Variants in NCOA6 observed in about 807,000 individuals in gnomAD.
NCOA6 encodes the protein NRC RAP250.
NCOA6 carries 49 observed loss-of-function variants against 171.4 expected under a neutral mutation model. That is an observed-to-expected ratio of 0.29 (90% CI 0.23 to 0.36). The LOEUF is 0.36. NCOA6 is among the 10% of genes least tolerant of loss of function. NCOA6 has a pLI of 1.00. For missense variants in NCOA6, 2,248 were observed against 2,554.5 expected (o/e 0.88, Z 2.59); for synonymous variants, 910 against 927.5 (o/e 0.98, Z 0.34).
chr20:34,779,005 G>A (rs1051545730), intron 3 of NCOA6, among the ~76,000 whole-genome samples: 2 of 149,838 alleles, frequency 1.3e-5, no homozygotes, highest in African/African-American at 2.5e-5. Context: ...GACTTAGGGC[G>A]ACACATGGTG....
At chr20:34,769,202 G>A in intron 4 of NCOA6, among the ~76,000 whole-genome samples, 1 of 152,058 alleles carries the variant, frequency 6.6e-6, no homozygotes, top group Non-Finnish European at 1.5e-5. Context: ...ATAGGTTTTT[G>A]TTTTCTGAGA....
chr20:34,725,409 A>G (rs1299389565), intron 14 of NCOA6, among the ~76,000 whole-genome samples: 2 of 152,236 alleles, frequency 1.3e-5, no homozygotes, highest in African/African-American at 4.8e-5. Context: ...GTTAAGGAGA[A>G]GAGAGGTGGG....
chr20:34,791,394 A>G (rs972704839), intron 2 of NCOA6, among the ~76,000 whole-genome samples: 2 of 152,184 alleles, frequency 1.3e-5, no homozygotes, highest in Non-Finnish European at 2.9e-5. Flanking sequence ...CAGTCAGATA[A>G]AGATTTACAT....
intron 4 of NCOA6, among the ~76,000 whole-genome samples, chr20:34,772,974 T>A (rs997819968): frequency 7.2e-5 from 11 of 152,172 alleles, no homozygotes; most frequent in Admixed American, 6.5e-4. Context: ...ATTCCCCTAT[T>A]TACCAACTGC....
At chr20:34,808,834 A>G (rs951761868) in intron 1 of NCOA6, among the ~76,000 whole-genome samples, 2 of 152,212 alleles carry the variant, frequency 1.3e-5, no homozygotes, top group African/African-American at 4.8e-5. Flanking sequence ...GGGGAAGGGA[A>G]AGGGACAATG....
chr20:34,814,491 A>G (rs546178695), intron 1 of NCOA6, among the ~76,000 whole-genome samples: 3 of 152,264 alleles, frequency 2.0e-5, no homozygotes, highest in African/African-American at 2.4e-5. Context: ...ATATTGCCAA[A>G]TGAAAAAAGA....
chr20:34,740,672 G>C lies in NCOA6; in HGVS notation c.5584C>G (p.Pro1862Ala), dbSNP rs1312525024. 6.2e-7 allele frequency: 1 copy of C among 1,614,196 alleles called. No individual in the cohort carries two copies. The highest frequency in any genetic ancestry group is 2.2e-5 in the East Asian group (1 of 44,880). The change falls in exon 11 of 15, where the codon CCG becomes GCG. Residue 1862 changes from proline to alanine, a missense_variant. Pro to Ala is a conservative substitution (Grantham distance 27). This residue lies in a region of NCOA6 where 884 missense variants were observed against 941.9 expected (regional missense o/e 0.94). Transcript: ENST00000359003. ...TEGQGLDTTA[P>A]GLMGTEQLST... ...AACTGCTCTGTTCCCATGAGCCCCGGAGCTGTGGTGTCTAGCCCTTGGCCT... is the reference window on the plus strand; with the variant it reads ...AACTGCTCTGTTCCCATGAGCCCCGCAGCTGTGGTGTCTAGCCCTTGGCCT...
In NCOA6 at chr20:34,741,443, G is replaced by A; in HGVS notation, c.4813C>T (p.Pro1605Ser). Residue 1605 changes from proline (P) to serine (S), a missense_variant, in exon 11 of 15, where the codon CCC becomes TCC. By Grantham distance (74) the Pro-to-Ser change is moderately conservative. Around this residue, in one of 7 missense-constraint regions of NCOA6, gnomAD observed 884 missense variants for 941.9 expected, o/e 0.94. Coordinates refer to ENST00000359003, the MANE Select transcript of NCOA6 (RefSeq NM_014071.5). Reference sequence around the variant, plus strand: ...GATGTGTTAGCTGAAGTTGTGATGGGATTGGAAGTGACAAATACAGTTATT... The same window carrying A: ...GATGTGTTAGCTGAAGTTGTGATGGAATTGGAAGTGACAAATACAGTTATT... ...NQITVFVTSNPITTSANTSAA... is the reference protein window; with the variant it reads ...NQITVFVTSNSITTSANTSAA... 1 of 1,614,222 alleles carries A rather than the reference G, an allele frequency of 6.2e-7. No individual in the cohort carries two copies. The highest frequency in any genetic ancestry group is 8.5e-7 in the Non-Finnish European group (1 of 1,180,040).
chr20:34,759,428 GCC>G (rs150918549), intron 5 of NCOA6, among the ~76,000 whole-genome samples: 67,933 of 151,836 alleles, frequency 0.45, 15,575 homozygotes, highest in Admixed American at 0.6. Flanking sequence ...TACAGCAGAA[GCC>G]CCCTACTCCT....
chr20:34,794,642 GA>G (rs376480272), intron 1 of NCOA6, among the ~76,000 whole-genome samples: 32 of 152,052 alleles, frequency 2.1e-4, no homozygotes, highest in Middle Eastern at 6.8e-3. Flanking sequence ...GGAAAGGGGA[GA>G]AAAAATATTT....
chr20:34,772,170 G>A (rs1016032019), intron 4 of NCOA6, among the ~76,000 whole-genome samples: 1 of 151,946 alleles, frequency 6.6e-6, no homozygotes, highest in Admixed American at 6.6e-5. Flanking sequence ...AAATTAGTCA[G>A]GTCCGTGGTG....
intron 1 of NCOA6, chr20:34,821,547 G>C (rs6088618): frequency 1.3e-5 from 2 of 150,974 alleles, no homozygotes; most frequent in Non-Finnish European, 2.9e-5. Context: ...AAACCTTTTC[G>C]CCCTTATTAT....
At chr20:34,738,268 T>C (rs2076018353) in intron 11 of NCOA6, among the ~76,000 whole-genome samples, 1 of 152,178 alleles carries the variant, frequency 6.6e-6, no homozygotes, top group African/African-American at 2.4e-5. Context: ...CAATCACTTA[T>C]AAGCAAAGTG....
intron 9 of NCOA6, among the ~76,000 whole-genome samples, chr20:34,747,625 T>C (rs71349771): frequency 6.6e-6 from 1 of 152,230 alleles, no homozygotes; most frequent in African/African-American, 2.4e-5. Flanking sequence ...GTACTAATTG[T>C]ACTTTTCTTT....
intron 1 of NCOA6, among the ~76,000 whole-genome samples, chr20:34,805,508 C>T (rs758308115): frequency 2.6e-5 from 4 of 152,048 alleles, no homozygotes; most frequent in African/African-American, 4.8e-5. Flanking sequence ...GGTATATATA[C>T]CACATTTTCT....
chr20:34,776,755 G>A, intron 3 of NCOA6: 2 of 494,352 alleles, frequency 4.0e-6, no homozygotes, highest in Non-Finnish European at 7.9e-6. Context: ...ATCTAGCATA[G>A]TACCTGGCAC....
chr20:34,812,646 AC>A (rs1301627478), intron 1 of NCOA6, among the ~76,000 whole-genome samples: 2 of 152,332 alleles, frequency 1.3e-5, no homozygotes, highest in South Asian at 2.1e-4. Context: ...CATAAAAAAA[AC>A]AAAGAAATAA....
At position 34,758,915 on chromosome 20, in the gene NCOA6, T is replaced by C. The variant is rs200739210; in HGVS notation, c.533A>G (p.Asn178Ser). 3.1e-6 allele frequency: 5 copies of C among 1,611,584 alleles called. No individual in the cohort carries two copies. In the South Asian group the frequency reaches 5.5e-5, roughly 18 times the overall value. Residue 178 changes from asparagine to serine, a missense_variant, in exon 6 of 15, where the codon AAC (asparagine) becomes AGC (serine). Coordinates refer to ENST00000359003, the MANE Select transcript of NCOA6 (RefSeq NM_014071.5). The stretch of plus-strand genomic sequence containing the variant: ...CGGGGGTATCATAACAGTGGCAGGG[T>C]TGTTCATCCTTATTATTCCTAGAAA... ...ASGPGIIRMNNPATVMIPPGG... is the reference protein window; with the variant it reads ...ASGPGIIRMNSPATVMIPPGG...
chr20:34,778,429 C>A (rs1002548052), intron 3 of NCOA6, among the ~76,000 whole-genome samples: 2 of 150,130 alleles, frequency 1.3e-5, no homozygotes, highest in African/African-American at 4.9e-5. Context: ...TAGAGACGTT[C>A]AATTTTTTTT....
Sources: gnomAD v4.1 joint callset for allele counts (sites outside exome capture counted in the v4.1 genomes callset) on GRCh38, gnomAD v4.1.1 for gene constraint, gnomAD v4.1.1 regional missense constraint, MANE v1.5 for transcripts, NCBI Gene and HGNC (gene_info 2026-07-23, HGNC 2026-07-21) for gene names.